Variants in ARHGEF9 observed in about 807,000 individuals in gnomAD.
ARHGEF9 encodes rho guanine nucleotide exchange factor 9.
Under a neutral mutation model 41.3 loss-of-function variants are expected in ARHGEF9, and 2 were observed. The observed-to-expected ratio is 0.05, with a 90% CI of 0.02 to 0.15. ARHGEF9 has a LOEUF of 0.15. Among genes scored for constraint, ARHGEF9 ranks in the 10% least tolerant of loss-of-function variants. The pLI is 1.00. For missense variants in ARHGEF9, 225 were observed against 424.7 expected (o/e 0.53, Z 4.13); for synonymous variants, 160 against 154.4 (o/e 1.04, Z -0.27).
At chrX:63,656,048 G>C (rs1292811881) in intron 7 of ARHGEF9, among the ~76,000 whole-genome samples, 8 of 111,847 alleles carry the variant, frequency 7.2e-5, no homozygotes, top group Non-Finnish European at 1.1e-4. Context: ...GCTAGCAAGG[G>C]CTTCTCCTTT....
Position 63,637,280 on chromosome X carries a change from TG to T in ARHGEF9, c.*747del, listed in dbSNP as rs1556299020. The T allele has an allele frequency of 3.4e-6, 1 of 295,507 alleles. No homozygotes were observed. The highest frequency in any genetic ancestry group is 5.9e-6 in the Non-Finnish European group (1 of 170,110). 24.4% of individuals were successfully genotyped at this position (295,507 alleles called of 1,213,427 possible). A position where few individuals can be genotyped will look rare whatever the true frequency, so the allele number is the denominator to read the frequency against. ...TCATAGTCTGATACTCCCTTGCTTC[TG>T]TTTGGTTTTTTGATCCCTTCACAGT... On this transcript the variant is annotated 3_prime_UTR_variant, in exon 10 of 10. Transcript: ENST00000671741.
intron 1 of ARHGEF9, chrX:63,724,992 C>T (rs2053872112): frequency 6.1e-6 from 2 of 328,243 alleles, no homozygotes; most frequent in Non-Finnish European, 1.1e-5. Context: ...CTGTGCAGAA[C>T]AAAGAAAGCT....
intron 1 of ARHGEF9, among the ~76,000 whole-genome samples, chrX:63,774,979 CA>C (rs1201845873): frequency 9.0e-6 from 1 of 110,695 alleles, no homozygotes; most frequent in Admixed American, 9.6e-5. Flanking sequence ...AGCACACACA[CA>C]AAAAAAATAC....
intron 5 of ARHGEF9, among the ~76,000 whole-genome samples, chrX:63,677,496 C>A (rs1201131667): frequency 2.7e-5 from 3 of 111,663 alleles, no homozygotes; most frequent in Non-Finnish European, 5.6e-5. Flanking sequence ...TCTTGACATG[C>A]ATGGCAGGAG....
At chrX:63,670,536 G>GA (rs782349351) in intron 6 of ARHGEF9, among the ~76,000 whole-genome samples, 1,091 of 100,005 alleles carry the variant, frequency 0.011, 8 homozygotes, top group Non-Finnish European at 0.017. Flanking sequence ...CAAATCTCCA[G>GA]AAAAAAAAAA....
At chrX:63,762,095 G>A (rs1556449889) in intron 1 of ARHGEF9, among the ~76,000 whole-genome samples, 2 of 111,569 alleles carry the variant, frequency 1.8e-5, no homozygotes, top group Admixed American at 9.5e-5. Context: ...GTGTTTAGTT[G>A]TAGAGCCTAA....
intron 2 of ARHGEF9, chrX:63,719,542 C>T: frequency 3.5e-6 from 1 of 289,696 alleles, no homozygotes; most frequent in Non-Finnish European, 6.0e-6. Context: ...CAATGAATGA[C>T]AGAACACATT....
chrX:63,707,233 G>A (rs1180624397), intron 2 of ARHGEF9, among the ~76,000 whole-genome samples: 1 of 110,685 alleles, frequency 9.0e-6, no homozygotes, highest in Non-Finnish European at 1.9e-5. Flanking sequence ...TGGTTCTAAG[G>A]AAGACAGGAA....
At chrX:63,770,557 A>G (rs1412615522) in intron 1 of ARHGEF9, among the ~76,000 whole-genome samples, 1 of 112,383 alleles carries the variant, frequency 8.9e-6, no homozygotes, top group Admixed American at 9.4e-5. Flanking sequence ...GGAAAGGCAA[A>G]ATTGGTTTTA....
Position 63,713,536 on chromosome X carries a change from A to T in ARHGEF9, c.211-7087T>A, listed in dbSNP as rs187959829. Among the ~76,000 whole-genome samples the T allele has an allele frequency of 1.5e-3, 171 of 110,694 alleles. 1 individual carries two copies. The highest frequency in any genetic ancestry group is 4.2e-3 in the African/African-American group (127 of 30,406). On this transcript the variant is annotated intron_variant, in intron 2 of 9. Coordinates refer to ENST00000671741, the MANE Select transcript of ARHGEF9 (RefSeq NM_001353921.2). ...CAAACACTACAAAAGGGCAAAACACAGATAAAGGAGAGATTGGAGGGAACG... is the reference window on the plus strand; with the variant it reads ...CAAACACTACAAAAGGGCAAAACACTGATAAAGGAGAGATTGGAGGGAACG...
At chrX:63,715,229 C>T (rs2053218948) in intron 2 of ARHGEF9, among the ~76,000 whole-genome samples, 1 of 112,209 alleles carries the variant, frequency 8.9e-6, no homozygotes, top group Non-Finnish European at 1.9e-5. Flanking sequence ...AAAAGGAGTG[C>T]TCTGCCAGGA....
intron 1 of ARHGEF9, among the ~76,000 whole-genome samples, chrX:63,736,436 C>CAGCTT (rs1365037395): frequency 9.0e-6 from 1 of 110,591 alleles, no homozygotes; most frequent in Non-Finnish European, 1.9e-5. Context: ...TTAACTGTCT[C>CAGCTT]AGCTCAAGAG....
At chrX:63,729,179 G>T (rs781792311) in intron 1 of ARHGEF9, among the ~76,000 whole-genome samples, 2 of 111,387 alleles carry the variant, frequency 1.8e-5, no homozygotes, top group Non-Finnish European at 3.8e-5. Context: ...AAATATGGGG[G>T]GCCAGCAGGA....
At chrX:63,759,750 C>G (rs1365089797) in intron 1 of ARHGEF9, among the ~76,000 whole-genome samples, 1 of 111,922 alleles carries the variant, frequency 8.9e-6, no homozygotes, top group South Asian at 3.8e-4. Flanking sequence ...TCTTTTAATC[C>G]TCACAACAAC....
intron 3 of ARHGEF9, among the ~76,000 whole-genome samples, chrX:63,704,858 C>T (rs116671353): frequency 9.3e-4 from 104 of 111,829 alleles, no homozygotes; most frequent in African/African-American, 3.3e-3. Flanking sequence ...TGCCTCATGG[C>T]AGGGCAGGGA....
chrX:63,640,154 TGATA>T (rs2147123127), intron 9 of ARHGEF9: 1 of 112,465 alleles, frequency 8.9e-6, no homozygotes, highest in South Asian at 3.7e-4. Flanking sequence ...ACGTTTAAGG[TGATA>T]GATATCCTAA....
chrX:63,740,109 C>T lies in ARHGEF9; in HGVS notation c.31-15398G>A, dbSNP rs782108297. Among the ~76,000 whole-genome samples the T allele has an allele frequency of 1.5e-4, 17 of 112,217 alleles. No homozygotes were observed. In the South Asian group the frequency reaches 4.1e-3, roughly 27 times the overall value. ...TACAGGTGACCTGGTCTTGCATTTC[C>T]TAGTTTAGGAAGAAATCCCTGCTCC... On this transcript the variant is annotated intron_variant, in intron 1 of 9. Transcript: ENST00000671741.
At chrX:63,697,784 CA>C (rs782154531) in intron 3 of ARHGEF9, among the ~76,000 whole-genome samples, 2 of 110,774 alleles carry the variant, frequency 1.8e-5, no homozygotes, top group African/African-American at 6.6e-5. Context: ...ACCATTTCTT[CA>C]AAAAAAAGTT....
At chrX:63,755,144 G>A (rs1160350981) in intron 1 of ARHGEF9, 2 of 937,557 alleles carry the variant, frequency 2.1e-6, no homozygotes, top group African/African-American at 2.0e-5. Context: ...CCCATAGGCT[G>A]CCTTTTTATT....
Sources: gnomAD v4.1 joint callset for allele counts (sites outside exome capture counted in the v4.1 genomes callset) on GRCh38, gnomAD v4.1.1 for gene constraint, MANE v1.5 for transcripts, NCBI Gene and HGNC (gene_info 2026-07-23, HGNC 2026-07-21) for gene names.